The following TTLL11 variants were observed in gnomAD, a reference collection of about 807,000 sequenced individuals.
TTLL11 encodes tubulin tyrosine ligase like 11.
TTLL11 carries 42 observed loss-of-function variants against 51.7 expected under a neutral mutation model. The ratio of observed to expected loss-of-function variants is 0.81; its 90% CI spans 0.64 to 1.05. The LOEUF (loss-of-function observed/expected upper bound fraction) is 1.05. Among genes scored for constraint, TTLL11 ranks in the 50% least tolerant of loss-of-function variants. The probability of loss-of-function intolerance (pLI) is 0.00; values close to 1 mark genes in which losing one functional copy is unlikely to be tolerated. For missense variants in TTLL11, 799 were observed against 940.4 expected, an observed-to-expected ratio of 0.85 and a Z score of 1.97; for synonymous variants, 381 against 383.5, an observed-to-expected ratio of 0.99 and a Z score of 0.08.
intron 1 of TTLL11, among the ~76,000 whole-genome samples, chr9:122,081,729 G>GA (rs1403975697): frequency 1.3e-5 from 2 of 152,172 alleles, no homozygotes. Flanking sequence ...TGAATGAGAA[G>GA]AAGAAATTTT....
chr9:121,960,252 C>G (rs1421264288), intron 6 of TTLL11, among the ~76,000 whole-genome samples: 1 of 152,160 alleles, frequency 6.6e-6, no homozygotes, highest in African/African-American at 2.4e-5. Flanking sequence ...TGCTGTACCT[C>G]AATATCCATG....
chr9:121,835,645 A>T (rs945223938), intron 8 of TTLL11, among the ~76,000 whole-genome samples: 1 of 152,230 alleles, frequency 6.6e-6, no homozygotes, highest in African/African-American at 2.4e-5. Context: ...CACCAAAATA[A>T]CAAACATAAT....
At chr9:121,911,822 C>T (rs1840131209) in intron 6 of TTLL11, among the ~76,000 whole-genome samples, 1 of 152,024 alleles carries the variant, frequency 6.6e-6, no homozygotes, top group South Asian at 2.1e-4. Flanking sequence ...AGGAGAAATA[C>T]CTAATGTAGA....
intron 6 of TTLL11, among the ~76,000 whole-genome samples, chr9:121,946,146 A>C (rs1453303401): frequency 6.6e-6 from 1 of 152,222 alleles, no homozygotes; most frequent in East Asian, 1.9e-4. Context: ...AAACAGGTAA[A>C]CTAATAATGA....
intron 1 of TTLL11, among the ~76,000 whole-genome samples, chr9:122,090,089 G>C (rs1036500421): frequency 2.0e-5 from 3 of 151,972 alleles, no homozygotes; most frequent in Non-Finnish European, 4.4e-5. Flanking sequence ...CTACCCACTG[G>C]GGGTGACCAG....
At chr9:121,945,437 C>T (rs1283472103) in intron 6 of TTLL11, among the ~76,000 whole-genome samples, 4 of 152,154 alleles carry the variant, frequency 2.6e-5, no homozygotes, top group Non-Finnish European at 4.4e-5. Context: ...GTGATTTGAT[C>T]TGATCTGTTC....
chr9:121,917,843 T>C (rs1840395956), intron 6 of TTLL11, among the ~76,000 whole-genome samples: 1 of 152,172 alleles, frequency 6.6e-6, no homozygotes, highest in South Asian at 2.1e-4. Flanking sequence ...CCACTAGAAT[T>C]AAGTTAAGCC....
At chr9:121,884,364 A>G (rs1838920025) in intron 6 of TTLL11, among the ~76,000 whole-genome samples, 1 of 152,004 alleles carries the variant, frequency 6.6e-6, no homozygotes, top group African/African-American at 2.4e-5. Flanking sequence ...AAAGAAAACA[A>G]AAGCGACTCT....
At chr9:121,913,584 T>C (rs1840220929) in intron 6 of TTLL11, among the ~76,000 whole-genome samples, 1 of 152,236 alleles carries the variant, frequency 6.6e-6, no homozygotes, top group African/African-American at 2.4e-5. Flanking sequence ...TTATGCTTAA[T>C]GGAAAAGGAT....
chr9:121,960,110 T>A (rs918327067), intron 6 of TTLL11, among the ~76,000 whole-genome samples: 10 of 149,528 alleles, frequency 6.7e-5, no homozygotes, highest in African/African-American at 2.5e-4. Context: ...AAACTTCTGA[T>A]CTTTTTTCTC....
intron 6 of TTLL11, among the ~76,000 whole-genome samples, chr9:121,918,711 T>C (rs1420644453): frequency 1.3e-5 from 2 of 152,206 alleles, no homozygotes; most frequent in African/African-American, 2.4e-5. Context: ...ACACTGGAAA[T>C]AACCCATGTC....
Position 121,870,779 on chromosome 9 carries a change from A to C in TTLL11, c.1482-31T>G, listed in dbSNP as rs1274182625. 4 of 1,491,694 alleles carry C rather than the reference A, an allele frequency of 2.7e-6. No individual in the cohort carries two copies. In the African/African-American group the frequency reaches 5.6e-5, roughly 21 times the overall value. 92.4% of individuals were successfully genotyped at this position (1,491,694 alleles called of 1,614,324 possible). ...GCACACAAAGAATTAATGATATAAC[A>C]CTTTCCCTTTCAGTTTCTCCTTTAC... On this transcript the variant is annotated intron_variant, in intron 6 of 8. Transcript: ENST00000321582.
intron 3 of TTLL11, among the ~76,000 whole-genome samples, chr9:121,997,351 C>T (rs1306349401): frequency 6.6e-6 from 1 of 152,166 alleles, no homozygotes; most frequent in Non-Finnish European, 1.5e-5. Context: ...GTCAGCCCTG[C>T]CTGGCCTCCC....
At chr9:121,926,074 G>C (rs1000146848) in intron 6 of TTLL11, among the ~76,000 whole-genome samples, 1 of 152,186 alleles carries the variant, frequency 6.6e-6, no homozygotes, top group Non-Finnish European at 1.5e-5. Context: ...TGAGTCTCTC[G>C]AGGGGTTTTT....
rs530152108 is a variant in TTLL11 at position 122,036,134 on chromosome 9, A to T, written c.559+3138T>A. Among the ~76,000 whole-genome samples, 18 of 152,098 alleles carry T rather than the reference A, an allele frequency of 1.2e-4. No individual in the cohort carries two copies. The East Asian group carries it at 3.5e-3, about 30-fold the overall frequency. On this transcript the variant is annotated intron_variant, in intron 2 of 8. Transcript: ENST00000321582. ...TTGCTCCGGACCCCCACAGCATTCC[A>T]GCTTCCTCCAGCAAAGCCCCTAGGC...
intron 3 of TTLL11, among the ~76,000 whole-genome samples, chr9:122,004,373 G>C (rs1843574678): frequency 6.6e-6 from 1 of 150,852 alleles, no homozygotes; most frequent in Admixed American, 6.6e-5. Flanking sequence ...TTTTGAGACT[G>C]GGTTTCACTC....
chr9:121,928,791 T>G (rs1588132148), intron 6 of TTLL11, among the ~76,000 whole-genome samples: 1 of 151,954 alleles, frequency 6.6e-6, no homozygotes, highest in Non-Finnish European at 1.5e-5. Flanking sequence ...AGGCTGGTCT[T>G]GAACTCCTGG....
chr9:121,874,276 G>A (rs1838480840), intron 6 of TTLL11, among the ~76,000 whole-genome samples: 1 of 152,116 alleles, frequency 6.6e-6, no homozygotes, highest in African/African-American at 2.4e-5. Context: ...TGGGATTATA[G>A]GCATGAGCCT....
intron 3 of TTLL11, among the ~76,000 whole-genome samples, chr9:121,996,761 G>C (rs1218531189): frequency 6.6e-6 from 1 of 152,204 alleles, no homozygotes; most frequent in African/African-American, 2.4e-5. Flanking sequence ...CTTGGAATAA[G>C]TACTCTCTTT....
Sources: allele counts gnomAD v4.1 joint callset (sites outside exome capture counted in the v4.1 genomes callset), GRCh38; gene constraint gnomAD v4.1.1; transcripts MANE v1.5; gene names NCBI Gene and HGNC (gene_info 2026-07-23, HGNC 2026-07-21).